The following NUMA1 variants were observed in gnomAD, a reference collection of about 807,000 sequenced individuals.
NUMA1 encodes the protein nuclear mitotic apparatus protein 1, also known as SP-H antigen.
A neutral mutation model predicts 237.1 loss-of-function variants in NUMA1; 62 were observed. The observed-to-expected ratio is 0.26, with a 90% CI of 0.21 to 0.32. The LOEUF is 0.32. Ranked by LOEUF, NUMA1 falls within the 10% of genes least tolerant of loss-of-function variation. NUMA1 has a pLI of 1.00. For missense variants in NUMA1, 2,533 were observed against 2,666.5 expected (o/e 0.95, Z 1.10); for synonymous variants, 1,028 against 1,066.1 (o/e 0.96, Z 0.70).
At chr11:72,030,698 G>T (rs1403842273) in intron 3 of NUMA1, among the ~76,000 whole-genome samples, 1 of 152,206 alleles carries the variant, frequency 6.6e-6, no homozygotes, top group African/African-American at 2.4e-5. Flanking sequence ...ACTAAGAGGG[G>T]AGAGAGACTG....
intron 2 of NUMA1, among the ~76,000 whole-genome samples, chr11:72,062,180 T>C (rs117251909): frequency 6.6e-6 from 1 of 152,292 alleles, no homozygotes; most frequent in East Asian, 1.9e-4. Context: ...AAAGGTGTCA[T>C]CCTCCCCATA....
chr11:72,012,335 G>T, intron 16 of NUMA1, 66 bp downstream of exon 16: 1 of 1,491,602 alleles, frequency 6.7e-7, no homozygotes, highest in Non-Finnish European at 9.3e-7. Flanking sequence ...AGCTGCAGCC[G>T]GGCTCATGCA....
rs756769079 is a variant in NUMA1 at position 72,013,658 on chromosome 11, C to G, written c.3845G>C (p.Arg1282Thr). The G allele has an allele frequency of 6.2e-7, 1 of 1,609,576 alleles. No individual in the cohort carries two copies. The highest frequency in any genetic ancestry group is 8.5e-7 in the Non-Finnish European group (1 of 1,179,950). Residue 1282 changes from arginine to threonine, a missense_variant, in exon 15 of 27, where the codon AGA (arginine) becomes ACA (threonine). Physicochemically the swap from Arg to Thr is moderately conservative, Grantham distance 71. Around this residue, in one of 3 missense-constraint regions of NUMA1, gnomAD observed 324 missense variants for 407.6 expected, o/e 0.79. Coordinates refer to ENST00000393695, the MANE Select transcript of NUMA1 (RefSeq NM_006185.4). This position sits in a 1 kb window ranked among gnomAD's most constrained non-coding sequence, Gnocchi z 6.8. ...LQAETASNSARAAERSSALRE... is the reference protein window; with the variant it reads ...LQAETASNSATAAERSSALRE... ...CAGAGCAGAGCTGCGTTCTGCAGCT[C>G]TGGCACTGTTGCTGGCTGTCTCTGC... is the stretch of plus-strand genomic sequence containing the variant.
chr11:72,030,239 G>A (rs963366279), intron 3 of NUMA1, among the ~76,000 whole-genome samples: 29 of 152,052 alleles, frequency 1.9e-4, no homozygotes, highest in Admixed American at 1.8e-3. Flanking sequence ...GAAGGCTGAG[G>A]TGGGAGGATC....
Position 72,008,775 on chromosome 11 carries a change from C to A in NUMA1, c.5129G>T (p.Arg1710Leu). 1 of 1,614,104 alleles carries A rather than the reference C, an allele frequency of 6.2e-7. No homozygotes were observed. Among genetic ancestry groups the A allele is most frequent in the Non-Finnish European group, 8.5e-7 (1 of 1,180,010 alleles). The change falls in exon 20 of 27, where the codon CGT (arginine) becomes CTT (leucine). Residue 1710 changes from arginine (R) to leucine (L), a missense_variant. Arg to Leu is a moderately radical substitution (Grantham distance 102, BLOSUM62 -2). Coordinates refer to ENST00000393695, the MANE Select transcript of NUMA1 (RefSeq NM_006185.4). ...FQVATDALKS[R>L]EPQAKPQLDL... ...CAGCTGGGGCTTAGCCTGGGGCTCA[C>A]GGCTCTTTAAAGCATCAGTTGCCAC...
intron 1 of NUMA1, among the ~76,000 whole-genome samples, chr11:72,070,782 A>AT (rs1797937111): frequency 6.6e-6 from 1 of 152,230 alleles, no homozygotes; most frequent in Non-Finnish European, 1.5e-5. Flanking sequence ...ACAAAACAAA[A>AT]TGAATGATCC....
chr11:72,058,071 C>A, intron 2 of NUMA1, among the ~76,000 whole-genome samples: 1 of 150,338 alleles, frequency 6.7e-6, no homozygotes, highest in South Asian at 2.1e-4. Context: ...AACTACATCT[C>A]AAAAAAAAAC....
chr11:72,071,186 A>G (rs1417266178), intron 1 of NUMA1, among the ~76,000 whole-genome samples: 2 of 152,240 alleles, frequency 1.3e-5, no homozygotes, highest in Non-Finnish European at 2.9e-5. Flanking sequence ...TCTTTCTGCC[A>G]AAGTATTTCA....
chr11:72,049,167 G>T (rs1942167617), intron 2 of NUMA1, among the ~76,000 whole-genome samples: 1 of 152,112 alleles, frequency 6.6e-6, no homozygotes, highest in Non-Finnish European at 1.5e-5. Context: ...GTCCCTACAG[G>T]CAACATATCA....
chr11:72,023,176 G>T (rs770576292), intron 5 of NUMA1, 29 bp from the exon 6 acceptor site: 17 of 1,527,972 alleles, frequency 1.1e-5, no homozygotes, highest in Non-Finnish European at 1.5e-5. Flanking sequence ...AGAAAACAGG[G>T]TGAACTTCCT....
rs1294406592 is a variant in NUMA1 at position 72,016,496 on chromosome 11, C to T, written c.1154G>A (p.Gly385Glu). The T allele has an allele frequency of 1.2e-6, 2 of 1,613,912 alleles. No individual in the cohort carries two copies. The highest frequency in any genetic ancestry group is 1.7e-6 in the Non-Finnish European group (2 of 1,180,038). The change falls in exon 14 of 27, where the codon GGA (glycine) becomes GAA (glutamate). Residue 385 changes from glycine (G) to glutamate (E), a missense_variant. By Grantham distance (98) the Gly-to-Glu change is moderately conservative. Around this residue, in one of 3 missense-constraint regions of NUMA1, gnomAD observed 1,414 missense variants for 1,508.1 expected, o/e 0.94. Coordinates refer to ENST00000393695, the MANE Select transcript of NUMA1 (RefSeq NM_006185.4). Reference sequence around the variant, plus strand: ...GTGTTCTTCCAGCTGTGAAAGTTTTCCCTGAAGGATTTCGTTCTTCTCTTC... The same window carrying T: ...GTGTTCTTCCAGCTGTGAAAGTTTTTCCTGAAGGATTTCGTTCTTCTCTTC... ...CLEEKNEILQ[G>E]KLSQLEEHLS...
Position 72,016,002 on chromosome 11 carries a change from C to A in NUMA1, c.1501G>T (p.Ala501Ser), listed in dbSNP as rs1224818393. 1 of 1,613,846 alleles carries A rather than the reference C, an allele frequency of 6.2e-7. No homozygotes were observed. The highest frequency in any genetic ancestry group is 2.2e-5 in the East Asian group (1 of 44,882). Residue 501 changes from alanine to serine, a missense_variant, in exon 15 of 27, where the codon GCC becomes TCC. Around this residue, in one of 3 missense-constraint regions of NUMA1, gnomAD observed 1,414 missense variants for 1,508.1 expected, o/e 0.94. Transcript: ENST00000393695. The part of the protein sequence containing the change: ...AHGARLTAQV[A>S]SLTSELTTLN... Reference sequence around the variant, plus strand: ...GTGGTGAGCTCAGAGGTCAGAGAGGCCACCTGGGCAGTCAACCGGGCCCCA... The same window carrying A: ...GTGGTGAGCTCAGAGGTCAGAGAGGACACCTGGGCAGTCAACCGGGCCCCA...
At position 72,031,657 on chromosome 11, in the gene NUMA1, A is replaced by G. The variant is rs564463410; in HGVS notation, c.43-2367T>C. Among the ~76,000 whole-genome samples, 516 of 151,944 alleles carry G rather than the reference A, an allele frequency of 3.4e-3. 3 individuals carry two copies. The highest frequency in any genetic ancestry group is 0.012 in the African/African-American group (493 of 41,424). ...AAAATAATAATTTAAAAAAATTTTT[A>G]GCTGGGTGAGGTGGCTTGCGCCTGT... On this transcript the variant is annotated intron_variant, in intron 3 of 26. Coordinates refer to ENST00000393695, the MANE Select transcript of NUMA1 (RefSeq NM_006185.4).
Position 72,006,200 on chromosome 11 carries a change from C to G in NUMA1, c.5527G>C (p.Ala1843Pro), listed in dbSNP as rs150929452. The G allele has an allele frequency of 2.5e-5, 41 of 1,614,046 alleles. No individual in the cohort carries two copies. The highest frequency in any genetic ancestry group is 5.0e-5 in the Admixed American group (3 of 60,006). Residue 1843 changes from alanine to proline, a missense_variant, in exon 22 of 27, where the codon GCT (alanine) becomes CCT (proline). Physicochemically the swap from Ala to Pro is conservative, Grantham distance 27. Around this residue, in one of 3 missense-constraint regions of NUMA1, gnomAD observed 795 missense variants for 750.8 expected, o/e 1.06. Coordinates refer to ENST00000393695, the MANE Select transcript of NUMA1 (RefSeq NM_006185.4). ...GTGGCTCGCAGGCTAGCCTGGGAAG[C>G]AGGAGCAGACCGCGTGCTGTAGAAC... ...SSFYSTRSAP[A>P]SQASLRATSS...
Position 72,018,232 on chromosome 11 carries a change from T to C in NUMA1, c.929A>G (p.Asp310Gly), listed in dbSNP as rs1340261797. The change falls in exon 12 of 27, where the codon GAT becomes GGT. Residue 310 changes from aspartate to glycine, a missense_variant. Coordinates refer to ENST00000393695, the MANE Select transcript of NUMA1 (RefSeq NM_006185.4). The part of the protein sequence containing the change: ...QDLKTEKSQM[D>G]RKINQLSEEN... ...CTCCGAAAGCTGGTTGATTTTGCGA[T>C]CCATCTGGCTCTTCTCTGTCTTCAG... 2.4e-5 allele frequency: 38 copies of C among 1,614,234 alleles called. No individual in the cohort carries two copies. Among genetic ancestry groups the C allele is most frequent in the Non-Finnish European group, 3.2e-5 (38 of 1,180,022 alleles).
At chr11:72,062,929 C>T (rs1268791049) in intron 2 of NUMA1, among the ~76,000 whole-genome samples, 1 of 150,488 alleles carries the variant, frequency 6.6e-6, no homozygotes, top group South Asian at 2.1e-4. Flanking sequence ...ATTAGCTGGG[C>T]GTGGTGGCAC....
chr11:72,077,804 A>G, intron 1 of NUMA1, among the ~76,000 whole-genome samples: 1 of 138,334 alleles, frequency 7.2e-6, no homozygotes. Flanking sequence ...ACAGAGTGAG[A>G]CTCCATCTCA....
chr11:72,003,614 T>C (rs1439730206), intron 26 of NUMA1, 76 bp from the exon 27 acceptor site: 1 of 1,580,202 alleles, frequency 6.3e-7, no homozygotes, highest in African/African-American at 1.3e-5. Flanking sequence ...GAAGATCTCT[T>C]CCTGCTCCCA....
At position 72,013,672 on chromosome 11, in the gene NUMA1, G is replaced by A. The variant is rs779977654; in HGVS notation, c.3831C>T (p.Ala1277=). Residue 1277 remains alanine, a synonymous_variant, in exon 15 of 27, where the codon GCC becomes GCT. Transcript: ENST00000393695. This position sits in a 1 kb window ranked among gnomAD's most constrained non-coding sequence, Gnocchi z 6.8. ...GTTCTGCAGCTCTGGCACTGTTGCT[G>A]GCTGTCTCTGCCTGCAGCAGGCGCA... ...ERLRLLQAET[A]SNSARAAERS... is the part of the protein sequence containing the mutation. The A allele has an allele frequency of 6.2e-6, 10 of 1,609,298 alleles. No homozygotes were observed. In the East Asian group the frequency reaches 6.7e-5, roughly 11 times the overall value.
Sources: allele counts gnomAD v4.1 joint callset (sites outside exome capture counted in the v4.1 genomes callset), GRCh38; gene constraint gnomAD v4.1.1; regional missense constraint gnomAD v4.1.1; non-coding constraint Gnocchi (gnomAD v3.1); transcripts MANE v1.5; gene names NCBI Gene and HGNC (gene_info 2026-07-23, HGNC 2026-07-21).